PTPRT: variants seen among roughly 807,000 people sequenced by gnomAD.
The protein encoded by PTPRT is protein tyrosine phosphatase receptor type T, also known as receptor-type tyrosine-protein phosphatase T.
Under a neutral mutation model 176.8 loss-of-function variants are expected in PTPRT, and 56 were observed. That is an observed-to-expected ratio of 0.32 (90% CI 0.26 to 0.40). The LOEUF (loss-of-function observed/expected upper bound fraction) is 0.40, where lower values mean the gene tolerates loss of function less well. Ranked by LOEUF, PTPRT falls within the 10% of genes least tolerant of loss-of-function variation. PTPRT has a pLI of 1.00. For synonymous variants in PTPRT, 783 were observed against 739.0 expected, an observed-to-expected ratio of 1.06 and a Z score of -0.96; for missense variants, 1,540 against 1,908.2, an observed-to-expected ratio of 0.81 and a Z score of 3.60.
chr20:42,924,628 G>A (rs1046796199), intron 1 of PTPRT, among the ~76,000 whole-genome samples: 5 of 152,142 alleles, frequency 3.3e-5, no homozygotes, highest in South Asian at 2.1e-4. Context: ...CACACAGAAC[G>A]GCTAATATGT....
At chr20:42,515,407 CAGG>C (rs2072042793) in intron 7 of PTPRT, among the ~76,000 whole-genome samples, 2 of 152,140 alleles carry the variant, frequency 1.3e-5, no homozygotes, top group African/African-American at 4.8e-5. Flanking sequence ...TGCTTGAACT[CAGG>C]AGGGTGTGGT....
intron 7 of PTPRT, among the ~76,000 whole-genome samples, chr20:42,476,862 A>C (rs2145312153): frequency 6.6e-6 from 1 of 152,336 alleles, no homozygotes; most frequent in Middle Eastern, 3.4e-3. Context: ...CACATGGCCG[A>C]GCCCCCATTC....
chr20:42,566,593 C>G (rs971168742), intron 7 of PTPRT, among the ~76,000 whole-genome samples: 2 of 152,192 alleles, frequency 1.3e-5, no homozygotes, highest in African/African-American at 4.8e-5. Flanking sequence ...GGCACATTCT[C>G]TCTTTCAGCT....
intron 15 of PTPRT, among the ~76,000 whole-genome samples, chr20:42,226,759 C>A (rs143049441): frequency 1.9e-3 from 295 of 152,098 alleles, no homozygotes; most frequent in African/African-American, 6.8e-3. Flanking sequence ...CACTTCTGAC[C>A]CTGGTTCTCT....
intron 9 of PTPRT, among the ~76,000 whole-genome samples, chr20:42,377,081 C>CTTTGATAACTTGGATAAA (rs1317240091): frequency 6.6e-6 from 1 of 152,178 alleles, no homozygotes; most frequent in African/African-American, 2.4e-5. Context: ...TACCTCCGTC[C>CTTTGATAACTTGGATAAA]TTTGATAACT....
chr20:42,395,697 G>C (rs1206880232), intron 9 of PTPRT, among the ~76,000 whole-genome samples: 1 of 152,042 alleles, frequency 6.6e-6, no homozygotes. Context: ...CTCTGTTGCT[G>C]CATCTAATGG....
intron 8 of PTPRT, among the ~76,000 whole-genome samples, chr20:42,457,871 A>G (rs2070949930): frequency 6.6e-6 from 1 of 152,130 alleles, no homozygotes; most frequent in South Asian, 2.1e-4. Context: ...TGTTTGCCAT[A>G]TGCCCTGGAC....
rs148633060 is a variant in PTPRT at position 42,787,087 on chromosome 20, T to C, written c.486+4108A>G. On this transcript the variant is annotated intron_variant, in intron 3 of 30. Coordinates refer to ENST00000373187, the MANE Select transcript of PTPRT (RefSeq NM_007050.6). Reference sequence around the variant, plus strand: ...CAATGGCAGAATTGAGTAATTGCAATAGAAATTGTATGGCTTGTAAAGACA... The same window carrying C: ...CAATGGCAGAATTGAGTAATTGCAACAGAAATTGTATGGCTTGTAAAGACA... Among the ~76,000 whole-genome samples the C allele has an allele frequency of 4.6e-5, 7 of 152,326 alleles. No homozygotes were observed. The East Asian group carries it at 5.8e-4, about 13-fold the overall frequency.
intron 1 of PTPRT, among the ~76,000 whole-genome samples, chr20:43,020,567 C>G (rs1223315338): frequency 2.6e-5 from 4 of 152,092 alleles, no homozygotes. Flanking sequence ...TAAAATAGAA[C>G]AGTTTTGCAA....
intron 2 of PTPRT, among the ~76,000 whole-genome samples, chr20:42,824,590 T>C (rs2077960547): frequency 6.6e-6 from 1 of 152,104 alleles, no homozygotes; most frequent in African/African-American, 2.4e-5. Context: ...ACTTAGATTC[T>C]ATTCACATGG....
At chr20:42,404,733 C>G (rs2058942662) in intron 9 of PTPRT, among the ~76,000 whole-genome samples, 1 of 151,886 alleles carries the variant, frequency 6.6e-6, no homozygotes, top group African/African-American at 2.4e-5. Context: ...AATATGACTG[C>G]TATGTCTTAT....
At chr20:42,556,787 T>A (rs1182800081) in intron 7 of PTPRT, among the ~76,000 whole-genome samples, 1 of 152,126 alleles carries the variant, frequency 6.6e-6, no homozygotes, top group African/African-American at 2.4e-5. Context: ...TTAAAGAAGT[T>A]CAATGAACAT....
chr20:42,484,638 C>T (rs1355838072), intron 7 of PTPRT, among the ~76,000 whole-genome samples: 1 of 152,156 alleles, frequency 6.6e-6, no homozygotes, highest in South Asian at 2.1e-4. Context: ...GTGTTTTCCA[C>T]AATACTGGTA....
chr20:42,954,875 G>A (rs902859297), intron 1 of PTPRT, among the ~76,000 whole-genome samples: 1 of 151,902 alleles, frequency 6.6e-6, no homozygotes, highest in Non-Finnish European at 1.5e-5. Flanking sequence ...AAGAGGAGAG[G>A]AGAGAAGGGA....
chr20:42,428,945 G>A (rs1199594724), intron 9 of PTPRT, among the ~76,000 whole-genome samples: 1 of 152,026 alleles, frequency 6.6e-6, no homozygotes, highest in East Asian at 1.9e-4. Flanking sequence ...CCCTACATCT[G>A]CAAGCTTATG....
chr20:42,472,242 T>A (rs1225859823), intron 8 of PTPRT, 24 bp downstream of exon 8: 1 of 1,606,488 alleles, frequency 6.2e-7, no homozygotes. Context: ...CCCATTCCCA[T>A]GTAAGCTCTC....
chr20:42,221,541 T>C (rs1386069044), intron 15 of PTPRT, among the ~76,000 whole-genome samples: 1 of 151,476 alleles, frequency 6.6e-6, no homozygotes, highest in Non-Finnish European at 1.5e-5. Flanking sequence ...CTTTTTTTTT[T>C]TTTGAGACAG....
At chr20:42,554,169 C>T (rs1023656226) in intron 7 of PTPRT, among the ~76,000 whole-genome samples, 16 of 152,044 alleles carry the variant, frequency 1.1e-4, no homozygotes, top group Admixed American at 3.3e-4. Flanking sequence ...TTCAACTGAG[C>T]AATTCTCCCT....
chr20:43,009,722 C>G (rs1281741811), intron 1 of PTPRT, among the ~76,000 whole-genome samples: 1 of 152,168 alleles, frequency 6.6e-6, no homozygotes, highest in Non-Finnish European at 1.5e-5. Flanking sequence ...ATCTTTACCC[C>G]AGTCCACACT....
Sources: gnomAD v4.1 joint callset for allele counts (sites outside exome capture counted in the v4.1 genomes callset) on GRCh38, gnomAD v4.1.1 for gene constraint, MANE v1.5 for transcripts, NCBI Gene and HGNC (gene_info 2026-07-23, HGNC 2026-07-21) for gene names.